The following AGMO variants were observed in gnomAD, a reference collection of about 807,000 sequenced individuals.
AGMO encodes alkylglycerol monooxygenase.
A neutral mutation model predicts 60.2 loss-of-function variants in AGMO; 75 were observed. The observed-to-expected ratio is 1.25, with a 90% confidence interval of 1.03 to 1.51. AGMO has a LOEUF of 1.51. Among genes scored for constraint, AGMO ranks in the 40% most tolerant of loss-of-function variants. AGMO has a pLI of 0.00. For synonymous variants in AGMO, 261 were observed against 177.1 expected (o/e 1.47, Z -3.76); for missense variants, 763 against 525.5 (o/e 1.45, Z -4.42).
intron 12 of AGMO, among the ~76,000 whole-genome samples, chr7:15,343,968 C>T (rs1200473330): frequency 2.0e-5 from 3 of 152,004 alleles, no homozygotes; most frequent in Non-Finnish European, 2.9e-5. Context: ...TTTCCTTTAA[C>T]TATCCATAAA....
chr7:15,306,817 G>A (rs545499153), intron 12 of AGMO, among the ~76,000 whole-genome samples: 51 of 151,936 alleles, frequency 3.4e-4, no homozygotes, highest in Non-Finnish European at 7.4e-4. Context: ...AAGGGCTGTT[G>A]GAGAAACATA....
rs1415047706 is a variant in AGMO at position 15,351,527 on chromosome 7, AG to A, written c.1263+13986del. On this transcript the variant is annotated intron_variant, in intron 12 of 12. Transcript: ENST00000342526. Reference sequence around the variant, plus strand: ...TGATTTTTAGCCAGCAGAAGAAAAAAGCAGACATCTAGGAAGGATATCATGT... The same window carrying A: ...TGATTTTTAGCCAGCAGAAGAAAAAACAGACATCTAGGAAGGATATCATGT... Among the ~76,000 whole-genome samples the A allele has an allele frequency of 5.9e-5, 9 of 152,184 alleles. 1 individual carries two copies. The highest frequency in any genetic ancestry group is 1.2e-4 in the Non-Finnish European group (8 of 68,012).
chr7:15,347,318 G>C (rs1479970168), intron 12 of AGMO, among the ~76,000 whole-genome samples: 1 of 152,028 alleles, frequency 6.6e-6, no homozygotes, highest in Non-Finnish European at 1.5e-5. Context: ...GCACATTTGT[G>C]AATTGTAAAT....
At chr7:15,179,866 G>A in the AGMO span, among the ~76,000 whole-genome samples, 1 of 152,260 alleles carries the variant, frequency 6.6e-6, no homozygotes, top group African/African-American at 2.4e-5. Flanking sequence ...TTACCTTCCA[G>A]AGCAGGAGAT....
In AGMO at chr7:15,306,633, G is replaced by C. The variant is rs1042885970; in HGVS notation, c.1263+58881C>G. On this transcript the variant is annotated intron_variant, in intron 12 of 12. Transcript: ENST00000342526. The stretch of plus-strand genomic sequence containing the variant: ...GTTACCTTGCTAAAAAGTTAATATG[G>C]TTTATGGCACTATTAAGGATTGTTA... The C allele has an allele frequency of 7.4e-6, 3 of 402,954 alleles. No individual in the cohort carries two copies. The Admixed American group carries it at 1.0e-4, about 13-fold the overall frequency. The allele number at this position is 402,954 out of a possible 1,614,324, so 25.0% of individuals were successfully genotyped here. A position where few individuals can be genotyped will look rare whatever the true frequency, so the allele number is the denominator to read the frequency against.
At chr7:15,386,258 A>G (rs867161647) in intron 9 of AGMO, among the ~76,000 whole-genome samples, 11 of 152,300 alleles carry the variant, frequency 7.2e-5, no homozygotes, top group Middle Eastern at 3.4e-3. Context: ...TTTTATTGGA[A>G]ACAACTTTTC....
intron 3 of AGMO, among the ~76,000 whole-genome samples, chr7:15,502,986 G>A (rs1783426197): frequency 6.6e-6 from 1 of 151,912 alleles, no homozygotes; most frequent in Admixed American, 6.6e-5. Context: ...GCCTTTACCT[G>A]TCTACACCAA....
At chr7:15,385,357 A>C in intron 10 of AGMO, 89 bp downstream of exon 10, 1 of 878,096 alleles carries the variant, frequency 1.1e-6, no homozygotes, top group Non-Finnish European at 1.8e-6. Context: ...CAGAGAATAT[A>C]TGACAGCCTT....
intron 3 of AGMO, among the ~76,000 whole-genome samples, chr7:15,457,375 T>G (rs1782025851): frequency 6.6e-6 from 1 of 152,194 alleles, no homozygotes; most frequent in African/African-American, 2.4e-5. Flanking sequence ...TAATCTTGGA[T>G]TTCTTAAACT....
intron 12 of AGMO, among the ~76,000 whole-genome samples, chr7:15,277,417 T>A (rs541426330): frequency 6.6e-6 from 1 of 152,204 alleles, no homozygotes; most frequent in Non-Finnish European, 1.5e-5. Context: ...ATTCTGATCC[T>A]TTGGTGGTGT....
At chr7:15,435,961 TCA>T (rs1338767653) in intron 3 of AGMO, among the ~76,000 whole-genome samples, 15 of 152,200 alleles carry the variant, frequency 9.9e-5, no homozygotes, top group Admixed American at 9.2e-4. Context: ...CAAGAAATTT[TCA>T]CAGACATATA....
chr7:15,297,213 C>T (rs945447026), intron 12 of AGMO, among the ~76,000 whole-genome samples: 2 of 152,140 alleles, frequency 1.3e-5, no homozygotes, highest in Non-Finnish European at 2.9e-5. Context: ...AGCATAAGTA[C>T]GAAATCCCCC....
At chr7:15,303,689 G>A (rs1780522585) in intron 12 of AGMO, among the ~76,000 whole-genome samples, 1 of 152,070 alleles carries the variant, frequency 6.6e-6, no homozygotes, top group Non-Finnish European at 1.5e-5. Flanking sequence ...CTAAAAAGCA[G>A]AAGAAGGAAG....
At chr7:15,391,074 G>A (rs1024888039) in intron 6 of AGMO, among the ~76,000 whole-genome samples, 169 bp from the exon 7 acceptor site, 1 of 151,886 alleles carries the variant, frequency 6.6e-6, no homozygotes, top group East Asian at 1.9e-4. Flanking sequence ...TCTAATAATG[G>A]AATTTTTATT....
At chr7:15,253,323 A>G (rs1172837656) in intron 12 of AGMO, among the ~76,000 whole-genome samples, 1 of 152,172 alleles carries the variant, frequency 6.6e-6, no homozygotes, top group Non-Finnish European at 1.5e-5. Flanking sequence ...TGAATTTACC[A>G]AAGTTCTTTC....
chr7:15,273,958 T>C (rs889264150), intron 12 of AGMO, among the ~76,000 whole-genome samples: 5 of 152,194 alleles, frequency 3.3e-5, no homozygotes, highest in African/African-American at 1.2e-4. Flanking sequence ...CTTGTGATTT[T>C]TGTACATTGA....
At chr7:15,241,417 G>A (rs982806255) in intron 12 of AGMO, among the ~76,000 whole-genome samples, 3 of 122,300 alleles carry the variant, frequency 2.5e-5, no homozygotes, top group Non-Finnish European at 4.8e-5. Flanking sequence ...CCGGGATAGC[G>A]CCACTGCAGT....
At chr7:15,339,902 T>C (rs1248159619) in intron 12 of AGMO, among the ~76,000 whole-genome samples, 2 of 152,212 alleles carry the variant, frequency 1.3e-5, no homozygotes, top group South Asian at 2.1e-4. Context: ...TTATTAATAT[T>C]TAGCTAAGGG....
At chr7:15,407,501 G>C (rs983067972) in intron 5 of AGMO, among the ~76,000 whole-genome samples, 1 of 151,506 alleles carries the variant, frequency 6.6e-6, no homozygotes, top group Non-Finnish European at 1.5e-5. Flanking sequence ...TAGAAGAGTA[G>C]ATGACTTAAG....
Sources: allele counts gnomAD v4.1 joint callset (sites outside exome capture counted in the v4.1 genomes callset), GRCh38; gene constraint gnomAD v4.1.1; transcripts MANE v1.5; gene names NCBI Gene and HGNC (gene_info 2026-07-23, HGNC 2026-07-21).